IL23R: variants seen among roughly 807,000 people sequenced by gnomAD.
IL23R encodes interleukin 23 receptor.
In IL23R, 34 loss-of-function variants were observed where a neutral mutation model predicts 56.9. The ratio of observed to expected loss-of-function variants is 0.60; its 90% CI spans 0.45 to 0.80. The LOEUF is 0.80. IL23R is among the 30% of genes least tolerant of loss of function. The pLI, the probability that IL23R is intolerant of heterozygous loss-of-function variation, is 0.00. For missense variants in IL23R, 635 were observed against 730.0 expected (o/e 0.87, Z 1.50); for synonymous variants, 230 against 249.2 (o/e 0.92, Z 0.73).
At chr1:67,152,571 G>T (rs1432701126) in intron 1 of IL23R, among the ~76,000 whole-genome samples, 1 of 152,134 alleles carries the variant, frequency 6.6e-6, no homozygotes, top group Non-Finnish European at 1.5e-5. Flanking sequence ...CATTCAGTAT[G>T]GTATTGGCTA....
intron 7 of IL23R, among the ~76,000 whole-genome samples, chr1:67,223,962 C>T (rs776026560): frequency 4.0e-5 from 6 of 151,412 alleles, no homozygotes; most frequent in African/African-American, 9.7e-5. Context: ...TGTATGTTGT[C>T]GAACTGCTTT....
intron 1 of IL23R, among the ~76,000 whole-genome samples, chr1:67,142,660 G>A (rs1039661591): frequency 7.2e-5 from 11 of 152,264 alleles, no homozygotes; most frequent in Admixed American, 1.3e-4. Flanking sequence ...TCACCTCCTG[G>A]GTTCAAGCGA....
At chr1:67,248,175 G>A (rs1350716778) in intron 9 of IL23R, among the ~76,000 whole-genome samples, 6 of 152,074 alleles carry the variant, frequency 3.9e-5, no homozygotes, top group African/African-American at 1.4e-4. Context: ...GCTAGGTTGG[G>A]GAAGTTCTCC....
intron 7 of IL23R, among the ~76,000 whole-genome samples, chr1:67,227,949 T>TCTCTTTCTTC (rs1650739532): frequency 2.4e-4 from 2 of 8,444 alleles, no homozygotes; most frequent in South Asian, 0.015. Flanking sequence ...GATCTTTCTT[T>TCTCTTTCTTC]CTTTCTTTCT....
intron 1 of IL23R, among the ~76,000 whole-genome samples, chr1:67,153,425 G>GT (rs199812697): frequency 0.026 from 3,901 of 152,078 alleles, 164 homozygotes; most frequent in African/African-American, 0.09. Flanking sequence ...TTTTTGAAGG[G>GT]TTTTTTGTGT....
At position 67,168,284 on chromosome 1, in the gene IL23R, A is replaced by G. The variant is rs974139502; in HGVS notation, c.70+94A>G. The G allele has an allele frequency of 5.3e-5, 52 of 972,196 alleles. No individual in the cohort carries two copies. The African/African-American group carries it at 6.5e-4, about 12-fold the overall frequency. The allele number at this position is 972,196 out of a possible 1,614,324, so 60.2% of individuals were successfully genotyped here. ...CATGGTTTTATGTTAGAATCTCTGA[A>G]GAATACAAATATTATTAGACTAGAA... On this transcript the variant is annotated intron_variant, in intron 2 of 10. Transcript: ENST00000347310.
At chr1:67,159,374 T>C (rs1383031107) in intron 1 of IL23R, among the ~76,000 whole-genome samples, 1 of 152,072 alleles carries the variant, frequency 6.6e-6, no homozygotes, top group African/African-American at 2.4e-5. Flanking sequence ...GGTGTTTGCT[T>C]CCCCTTCGTC....
At chr1:67,213,910 C>T (rs1260115316) in intron 6 of IL23R, among the ~76,000 whole-genome samples, 1 of 152,226 alleles carries the variant, frequency 6.6e-6, no homozygotes. Context: ...AAACATCTTG[C>T]TCCCACCTCA....
intron 1 of IL23R, among the ~76,000 whole-genome samples, chr1:67,148,216 G>A (rs1646699096): frequency 1.3e-5 from 2 of 152,242 alleles, no homozygotes; most frequent in African/African-American, 4.8e-5. Context: ...GTCAGTGGTG[G>A]GTCTGCGACA....
chr1:67,236,640 G>A (rs1169654979), intron 7 of IL23R, 73 bp from the exon 8 acceptor site: 6 of 927,770 alleles, frequency 6.5e-6, no homozygotes, highest in Admixed American at 1.7e-5. Context: ...AACAAGGGAA[G>A]AAACTCCGTT....
At position 67,256,273 on chromosome 1, in the gene IL23R, G is replaced by A. The variant is rs552044431; in HGVS notation, c.1239+346G>A. Among the ~76,000 whole-genome samples the A allele has an allele frequency of 2.0e-5, 3 of 152,312 alleles. No individual in the cohort carries two copies. The East Asian group carries it at 5.8e-4, about 29-fold the overall frequency. On this transcript the variant is annotated intron_variant, in intron 10 of 10. Transcript: ENST00000347310. The stretch of plus-strand genomic sequence containing the variant: ...GTAGGGAAGAAAAGCTCAATGAAAT[G>A]AGCCTCAAAGATTCAAAGGGCTTCT...
rs928842843 is a variant in IL23R at position 67,244,523 on chromosome 1, A to G, written c.1148+4242A>G. Among the ~76,000 whole-genome samples, 4 of 152,008 alleles carry G rather than the reference A, an allele frequency of 2.6e-5. No individual in the cohort carries two copies. In the South Asian group the frequency reaches 8.3e-4, roughly 32 times the overall value. ...AAGGAAGGGATCCAGTTTCAGCCTT[A>G]TGCATATGGCTAGCCAGTTTCCCAA... On this transcript the variant is annotated intron_variant, in intron 9 of 10. Transcript: ENST00000347310.
chr1:67,155,962 T>A (rs955437208), intron 1 of IL23R, among the ~76,000 whole-genome samples: 4 of 152,216 alleles, frequency 2.6e-5, no homozygotes, highest in Non-Finnish European at 4.4e-5. Context: ...TGATGACCTT[T>A]GGATAGGGTT....
At chr1:67,143,772 T>G (rs968668862) in intron 1 of IL23R, among the ~76,000 whole-genome samples, 1 of 152,186 alleles carries the variant, frequency 6.6e-6, no homozygotes, top group East Asian at 1.9e-4. Flanking sequence ...TATGAAGCTG[T>G]AGGTGACCTT....
intron 1 of IL23R, among the ~76,000 whole-genome samples, chr1:67,158,473 C>T (rs1640818466): frequency 6.6e-6 from 1 of 152,120 alleles, no homozygotes; most frequent in South Asian, 2.1e-4. Flanking sequence ...TATATTTATA[C>T]CAATTTTAAT....
chr1:67,142,797 A>G (rs1646650013), intron 1 of IL23R, among the ~76,000 whole-genome samples: 1 of 152,098 alleles, frequency 6.6e-6, no homozygotes, highest in African/African-American at 2.4e-5. Flanking sequence ...CGAACTCCTG[A>G]CCTCAGGTGA....
rs1244626639 is a variant in IL23R, at chr1:67,169,331, T to C, written c.71-11T>C. On this transcript the variant is annotated splice_polypyrimidine_tract_variant and intron_variant, in intron 2 of 10. Coordinates refer to ENST00000347310, the MANE Select transcript of IL23R (RefSeq NM_144701.3). ...TTACGTGTAATTTATTATTTTTCCATTTATTTCTAGGAATTACAAATATAA... is the reference window on the plus strand; with the variant it reads ...TTACGTGTAATTTATTATTTTTCCACTTATTTCTAGGAATTACAAATATAA... The C allele has an allele frequency of 6.3e-7, 1 of 1,592,406 alleles. No individual in the cohort carries two copies. Among genetic ancestry groups the C allele is most frequent in the South Asian group, 1.1e-5 (1 of 88,636 alleles).
chr1:67,260,536 C>T (rs1653171552), downstream of IL23R, among the ~76,000 whole-genome samples: 1 of 152,076 alleles, frequency 6.6e-6, no homozygotes, highest in South Asian at 2.1e-4. Context: ...CCTCAGAAGC[C>T]TCCCAAGCAG....
Position 67,255,822 on chromosome 1 carries a change from A to G in IL23R, c.1149-15A>G, listed in dbSNP as rs1320821523. 1 of 1,289,190 alleles carries G rather than the reference A, an allele frequency of 7.8e-7. No individual in the cohort carries two copies. Among genetic ancestry groups the G allele is most frequent in the East Asian group, 2.3e-5 (1 of 43,330 alleles). The allele number at this position is 1,289,190 out of a possible 1,614,324, so 79.9% of individuals were successfully genotyped here. ...GATTGCCTGCTTCTTCTAACGTGTC[A>G]TTTTTGTTTTTTAGGATTAAAAGAA... On this transcript the variant is annotated splice_polypyrimidine_tract_variant and intron_variant, in intron 9 of 10. Transcript: ENST00000347310.
Sources: allele counts gnomAD v4.1 joint callset (sites outside exome capture counted in the v4.1 genomes callset), GRCh38; gene constraint gnomAD v4.1.1; transcripts MANE v1.5; gene names NCBI Gene and HGNC (gene_info 2026-07-23, HGNC 2026-07-21).